The following MRPL42 variants were observed in gnomAD, a reference collection of about 807,000 sequenced individuals.
MRPL42 encodes the protein large ribosomal subunit protein mL42.
MRPL42 carries 17 observed loss-of-function variants against 17.9 expected under a neutral mutation model. The ratio of observed to expected loss-of-function variants is 0.95; its 90% CI spans 0.65 to 1.42. The LOEUF (loss-of-function observed/expected upper bound fraction) is 1.42, where lower values mean the gene tolerates loss of function less well. Ranked by LOEUF, MRPL42 falls within the 40% of genes most tolerant of loss-of-function variation. The probability of loss-of-function intolerance (pLI) is 0.00; values close to 1 mark genes in which losing one functional copy is unlikely to be tolerated. For synonymous variants in MRPL42, 59 were observed against 54.4 expected, an observed-to-expected ratio of 1.08 and a Z score of -0.37; for missense variants, 177 against 175.2, an observed-to-expected ratio of 1.01 and a Z score of -0.06.
At chr12:93,483,884 C>T (rs1326596990) in intron 4 of MRPL42, among the ~76,000 whole-genome samples, 1 of 151,980 alleles carries the variant, frequency 6.6e-6, no homozygotes, top group African/African-American at 2.4e-5. Flanking sequence ...TTCTTTATAT[C>T]CTTATTCTAT....
intron 5 of MRPL42, chr12:93,500,918 TA>T (rs1953580567): frequency 5.8e-6 from 2 of 347,020 alleles, no homozygotes; most frequent in Admixed American, 9.8e-5. Flanking sequence ...TTATTGAGCT[TA>T]TGAATAACCT....
At chr12:93,491,645 A>G (rs522026) in intron 5 of MRPL42, among the ~76,000 whole-genome samples, 10 of 151,980 alleles carry the variant, frequency 6.6e-5, no homozygotes, top group Non-Finnish European at 1.3e-4. Flanking sequence ...TTTTATTTCA[A>G]TTTTTAGCTT....
At position 93,510,764 on chromosome 12, in the gene MRPL42, A is replaced by G. The variant is rs909839881; in HGVS notation, c.*9543A>G. On this transcript the variant is annotated 3_prime_UTR_variant, in exon 6 of 6. Transcript: ENST00000549982. ...GATATGGAACATCTATTTACTCATT[A>G]TTTTTTCTTCTTATGATTGAAGTTA... is the stretch of plus-strand genomic sequence containing the variant. 6.6e-6 allele frequency: 1 copy of G among 151,984 alleles called. No individual in the cohort carries two copies. The highest frequency in any genetic ancestry group is 1.5e-5 in the Non-Finnish European group (1 of 68,002). 9.4% of individuals were successfully genotyped at this position (151,984 alleles called of 1,614,324 possible).
At chr12:93,469,434 A>G (rs1879795115) in intron 2 of MRPL42, 79 bp downstream of exon 2, 2 of 1,012,328 alleles carry the variant, frequency 2.0e-6, no homozygotes, top group African/African-American at 1.6e-5. Flanking sequence ...TAGTTATTGT[A>G]TATGCCTGTA....
chr12:93,484,182 A>T (rs1880597374), intron 4 of MRPL42, among the ~76,000 whole-genome samples: 1 of 152,178 alleles, frequency 6.6e-6, no homozygotes, highest in African/African-American at 2.4e-5. Context: ...AAATAATGAT[A>T]AAAAGTATAT....
rs1251755500 is a variant in MRPL42, at chr12:93,510,818, T to C, written c.*9597T>C. 6.6e-6 allele frequency: 1 copy of C among 152,236 alleles called. No individual in the cohort carries two copies. The allele number at this position is 152,236 out of a possible 1,614,324, so 9.4% of individuals were successfully genotyped here. ...TATTTCTTTAAATATTTTGGATAAA[T>C]CTTTTGTCAGATATATGCACTGGAA... On this transcript the variant is annotated 3_prime_UTR_variant, in exon 6 of 6. Transcript: ENST00000549982.
chr12:93,472,319 G>T (rs1452432556), intron 2 of MRPL42, among the ~76,000 whole-genome samples: 1 of 152,150 alleles, frequency 6.6e-6, no homozygotes, highest in Non-Finnish European at 1.5e-5. Context: ...GCTGGGCAGG[G>T]TGGCTCACAC....
rs1953696285 is a variant in MRPL42 at position 93,508,736 on chromosome 12, A to AT, written c.*7521dup. 1 of 152,038 alleles carries AT rather than the reference A, an allele frequency of 6.6e-6. No individual in the cohort carries two copies. Among genetic ancestry groups the AT allele is most frequent in the Non-Finnish European group, 1.5e-5 (1 of 68,048 alleles). 9.4% of individuals were successfully genotyped at this position (152,038 alleles called of 1,614,324 possible). On this transcript the variant is annotated 3_prime_UTR_variant, in exon 6 of 6. Coordinates refer to ENST00000549982, the MANE Select transcript of MRPL42 (RefSeq NM_014050.4). ...CATCCAAAGGAAATCCCTAACTTTC[A>AT]TTTTTTCTTCCCGTAAGCAGCCCCG...
intron 5 of MRPL42, among the ~76,000 whole-genome samples, chr12:93,496,664 A>G (rs934476086): frequency 7.8e-5 from 11 of 140,500 alleles, no homozygotes; most frequent in Non-Finnish European, 1.4e-4. Flanking sequence ...AAAAAAAAAA[A>G]AGGCAAGCTC....
chr12:93,504,512 A>C lies in MRPL42; in HGVS notation c.*3291A>C, dbSNP rs1020384949. ...TTTAGTTCTATTAAAATTTTAAAAA[A>C]TCTTTATCAATTTAGTAGGCAAAGA... On this transcript the variant is annotated 3_prime_UTR_variant, in exon 6 of 6. Transcript: ENST00000549982. 1 of 152,262 alleles carries C rather than the reference A, an allele frequency of 6.6e-6. No individual in the cohort carries two copies. Among genetic ancestry groups the C allele is most frequent in the Non-Finnish European group, 1.5e-5 (1 of 68,032 alleles). The allele number at this position is 152,262 out of a possible 1,614,324, so 9.4% of individuals were successfully genotyped here.
chr12:93,469,263 C>T lies in MRPL42; in HGVS notation c.-23C>T. On this transcript the variant is annotated 5_prime_UTR_variant, in exon 2 of 6. Transcript: ENST00000549982. The stretch of plus-strand genomic sequence containing the variant: ...CTTCAGAACATCTTTTTTCATACCA[C>T]TTGATAAGCATCTTGAAACACCATG... The T allele has an allele frequency of 6.3e-7, 1 of 1,587,426 alleles. No individual in the cohort carries two copies. The highest frequency in any genetic ancestry group is 8.6e-7 in the Non-Finnish European group (1 of 1,166,732).
At chr12:93,492,383 G>C (rs1429331328) in intron 5 of MRPL42, among the ~76,000 whole-genome samples, 1 of 152,050 alleles carries the variant, frequency 6.6e-6, no homozygotes, top group Non-Finnish European at 1.5e-5. Context: ...TAGTGATGTT[G>C]AGCATTTTTT....
chr12:93,511,525 A>C lies in MRPL42; in HGVS notation c.*10304A>C, dbSNP rs1413697785. ...TGGCAAAGAAAGTACTTCAATTACC[A>C]GTTACCAACACACAACAATTTGAAA... On this transcript the variant is annotated 3_prime_UTR_variant, in exon 6 of 6. Transcript: ENST00000549982. The C allele has an allele frequency of 6.6e-6, 1 of 152,230 alleles. No individual in the cohort carries two copies. The highest frequency in any genetic ancestry group is 2.4e-5 in the African/African-American group (1 of 41,464). The allele number at this position is 152,230 out of a possible 1,614,324, so 9.4% of individuals were successfully genotyped here. A position where few individuals can be genotyped will look rare whatever the true frequency, so the allele number is the denominator to read the frequency against.
At chr12:93,469,685 C>T (rs1250339760) in intron 2 of MRPL42, among the ~76,000 whole-genome samples, 1 of 152,064 alleles carries the variant, frequency 6.6e-6, no homozygotes, top group Non-Finnish European at 1.5e-5. Context: ...TACATCTGAA[C>T]TGTGACTGTC....
At position 93,507,343 on chromosome 12, in the gene MRPL42, C is replaced by A. The variant is rs114319649; in HGVS notation, c.*6122C>A. 7.6e-4 allele frequency: 116 copies of A among 152,322 alleles called. No homozygotes were observed. Among genetic ancestry groups the A allele is most frequent in the African/African-American group, 2.6e-3 (107 of 41,572 alleles). The allele number at this position is 152,322 out of a possible 1,614,324, so 9.4% of individuals were successfully genotyped here. A position where few individuals can be genotyped will look rare whatever the true frequency, so the allele number is the denominator to read the frequency against. On this transcript the variant is annotated 3_prime_UTR_variant, in exon 6 of 6. Coordinates refer to ENST00000549982, the MANE Select transcript of MRPL42 (RefSeq NM_014050.4). ...TTACATTTGCAGGGAGAAATAACTC[C>A]TTACTTGTCAGTTTCAGCCTTCACT... is the stretch of plus-strand genomic sequence containing the variant.
intron 5 of MRPL42, among the ~76,000 whole-genome samples, chr12:93,491,519 ATTT>A (rs138712474): frequency 5.3e-5 from 8 of 152,170 alleles, no homozygotes; most frequent in African/African-American, 1.9e-4. Flanking sequence ...TGCTTTGTAA[ATTT>A]TTTTATCTAA....
intron 4 of MRPL42, among the ~76,000 whole-genome samples, chr12:93,481,544 TC>T (rs1275515948): frequency 1.3e-5 from 2 of 152,188 alleles, no homozygotes; most frequent in Non-Finnish European, 2.9e-5. Context: ...ACTCTGCACT[TC>T]CTTGAATATT....
rs1953778160 is a variant in MRPL42 at position 93,516,030 on chromosome 12, T to C, written c.*14809T>C. The C allele has an allele frequency of 6.6e-6, 1 of 152,194 alleles. No homozygotes were observed. The highest frequency in any genetic ancestry group is 2.1e-4 in the South Asian group (1 of 4,828). 9.4% of individuals were successfully genotyped at this position (152,194 alleles called of 1,614,324 possible). On this transcript the variant is annotated 3_prime_UTR_variant, in exon 6 of 6. Transcript: ENST00000549982. ...CTATAGAGAAGATGTATTGAGATAA[T>C]CATGAAATTCTCCTTCTTTCTGATA...
chr12:93,488,471 C>G (rs978841524), intron 5 of MRPL42: 10 of 382,672 alleles, frequency 2.6e-5, no homozygotes, highest in Non-Finnish European at 1.8e-5. Flanking sequence ...GGAATTTAAC[C>G]AGAGCTTTCA....
Sources: allele counts gnomAD v4.1 joint callset (sites outside exome capture counted in the v4.1 genomes callset), GRCh38; gene constraint gnomAD v4.1.1; transcripts MANE v1.5; gene names NCBI Gene and HGNC (gene_info 2026-07-23, HGNC 2026-07-21).